The following COG6 variants were observed in gnomAD, a reference collection of about 807,000 sequenced individuals.
COG6 encodes the protein component of oligomeric golgi complex 6.
A neutral mutation model predicts 88.8 loss-of-function variants in COG6; 74 were observed. The observed-to-expected ratio is 0.83, with a 90% confidence interval of 0.69 to 1.01. The LOEUF (loss-of-function observed/expected upper bound fraction) is 1.01, where lower values mean the gene tolerates loss of function less well. Ranked by LOEUF, COG6 falls within the 50% of genes least tolerant of loss-of-function variation. The pLI is 0.00. For synonymous variants in COG6, 286 were observed against 278.7 expected (o/e 1.03, Z -0.26); for missense variants, 800 against 797.9 (o/e 1.00, Z -0.03).
At chr13:39,678,477 T>C (rs554340888) in intron 5 of COG6, among the ~76,000 whole-genome samples, 287 of 152,370 alleles carry the variant, frequency 1.9e-3, no homozygotes, top group Middle Eastern at 3.4e-3. Flanking sequence ...TTTTTTCATC[T>C]AATTAATTTT....
intron 18 of COG6, among the ~76,000 whole-genome samples, chr13:39,775,792 G>T (rs1407370212): frequency 6.7e-6 from 1 of 148,666 alleles, no homozygotes; most frequent in Non-Finnish European, 1.5e-5. Context: ...TTTTTGAGAC[G>T]GAGTTTTGCT....
chr13:39,788,275 T>C, intron 18 of COG6: 1 of 1,525,074 alleles, frequency 6.6e-7, no homozygotes, highest in Admixed American at 2.0e-5. Flanking sequence ...TGTGAGGTAT[T>C]CAAAGCAGGA....
Position 39,694,646 on chromosome 13 carries a change from C to T in COG6, c.1087C>T (p.Gln363Ter). ...CATATTTTAATAGGTTCGAATTGAG[C>T]AAGTAATAGTTGCTGAACCTGGGGC... is the stretch of plus-strand genomic sequence containing the variant. ...VCRPLKVRIE[Q>*]VIVAEPGAVL... The change falls in exon 12 of 19, where the codon CAA becomes TAA. Residue 363 changes from glutamine to a stop codon, truncating the protein, a stop_gained. Transcript: ENST00000455146. LOFTEE classifies it high-confidence loss of function. 3.1e-6 allele frequency: 5 copies of T among 1,590,884 alleles called. No homozygotes were observed. Among genetic ancestry groups the T allele is most frequent in the Non-Finnish European group, 4.3e-6 (5 of 1,160,974 alleles).
At chr13:39,714,302 G>C (rs1172885374) in intron 13 of COG6, among the ~76,000 whole-genome samples, 1 of 151,376 alleles carries the variant, frequency 6.6e-6, no homozygotes, top group Non-Finnish European at 1.5e-5. Flanking sequence ...AAACTAAAAT[G>C]CTTCTGTATA....
intron 18 of COG6, among the ~76,000 whole-genome samples, chr13:39,786,480 G>A (rs192253121): frequency 3.1e-4 from 47 of 152,294 alleles, no homozygotes; most frequent in African/African-American, 1.0e-3. Flanking sequence ...GAGATGCACA[G>A]TTGTTAGGAC....
chr13:39,720,119 A>C (rs1192960207), intron 15 of COG6, among the ~76,000 whole-genome samples: 1 of 152,044 alleles, frequency 6.6e-6, no homozygotes, highest in African/African-American at 2.4e-5. Flanking sequence ...TAGTAGATTG[A>C]AGCTTTCTGA....
At chr13:39,701,031 T>G (rs967741348) in intron 13 of COG6, among the ~76,000 whole-genome samples, 1 of 151,948 alleles carries the variant, frequency 6.6e-6, no homozygotes, top group Non-Finnish European at 1.5e-5. Context: ...AGTGATGTGT[T>G]TTATATATAT....
At chr13:39,699,360 C>A in intron 12 of COG6, 141 bp from the exon 13 acceptor site, 3 of 547,076 alleles carry the variant, frequency 5.5e-6, no homozygotes, top group South Asian at 5.1e-5. Flanking sequence ...AAATATGAAA[C>A]TAGAGTATTT....
chr13:39,682,661 T>C (rs1876385167), intron 8 of COG6, among the ~76,000 whole-genome samples: 2 of 152,062 alleles, frequency 1.3e-5, no homozygotes, highest in Non-Finnish European at 2.9e-5. Flanking sequence ...AAAGAATATT[T>C]AATATCAAGG....
chr13:39,752,152 A>G lies in COG6; in HGVS notation c.*1059A>G, dbSNP rs780327122. On this transcript the variant is annotated 3_prime_UTR_variant, in exon 19 of 19. Transcript: ENST00000455146. Reference sequence around the variant, plus strand: ...TGATTTGACATTCTTGTCAGCAAAAAAAAACTTAATTTCTAGTAAATCTAT... The same window carrying G: ...TGATTTGACATTCTTGTCAGCAAAAGAAAACTTAATTTCTAGTAAATCTAT... 25 of 1,212,034 alleles carry G rather than the reference A, an allele frequency of 2.1e-5. No individual in the cohort carries two copies. The South Asian group carries it at 3.5e-4, about 17-fold the overall frequency. The allele number at this position is 1,212,034 out of a possible 1,614,324, so 75.1% of individuals were successfully genotyped here. A position where few individuals can be genotyped will look rare whatever the true frequency, so the allele number is the denominator to read the frequency against.
At chr13:39,791,427 GTATTTTATT>G (rs1266856278) in exon 19 of COG6, 2 of 151,926 alleles carry the variant, frequency 1.3e-5, no homozygotes, top group Non-Finnish European at 2.9e-5. Context: ...ATGTCTATGG[GTATTTTATT>G]TAAGATTTTG....
At chr13:39,681,404 A>G (rs1050583467) in intron 7 of COG6, among the ~76,000 whole-genome samples, 1 of 152,064 alleles carries the variant, frequency 6.6e-6, no homozygotes, top group Admixed American at 6.5e-5. Context: ...TACTTCCTCA[A>G]AGGCATGGAC....
At chr13:39,709,225 G>A (rs550979965) in intron 13 of COG6, among the ~76,000 whole-genome samples, 294 of 152,242 alleles carry the variant, frequency 1.9e-3, no homozygotes, top group African/African-American at 6.7e-3. Flanking sequence ...CTGCCTAATT[G>A]CTAAGCCTGT....
intron 18 of COG6, among the ~76,000 whole-genome samples, chr13:39,779,939 C>T (rs748601537): frequency 6.6e-6 from 1 of 152,116 alleles, no homozygotes; most frequent in Non-Finnish European, 1.5e-5. Context: ...TATTAGGCAC[C>T]TACTCTAGGC....
At chr13:39,777,740 C>G (rs368577441) in intron 18 of COG6, among the ~76,000 whole-genome samples, 6 of 152,264 alleles carry the variant, frequency 3.9e-5, no homozygotes, top group East Asian at 1.9e-4. Context: ...AATTACTCAT[C>G]ATGTGCCTTC....
intron 8 of COG6, among the ~76,000 whole-genome samples, chr13:39,686,825 G>A (rs1002503845): frequency 1.3e-5 from 2 of 152,088 alleles, no homozygotes; most frequent in African/African-American, 2.4e-5. Flanking sequence ...AACCTCACGG[G>A]CTCAAGTGAT....
Position 39,659,354 on chromosome 13 carries a change from A to T in COG6, c.154-10A>T. ...GTTCCAGTAACTGTCTTCTGTTACC[A>T]ATTGTATAGGAGATGTTAGAAGCTC... On this transcript the variant is annotated splice_polypyrimidine_tract_variant and intron_variant, in intron 1 of 18. Coordinates refer to ENST00000455146, the MANE Select transcript of COG6 (RefSeq NM_020751.3). 6.2e-7 allele frequency: 1 copy of T among 1,612,958 alleles called. No homozygotes were observed. The highest frequency in any genetic ancestry group is 8.5e-7 in the Non-Finnish European group (1 of 1,179,232).
chr13:39,726,485 G>T (rs2138090694), intron 17 of COG6, among the ~76,000 whole-genome samples: 1 of 151,956 alleles, frequency 6.6e-6, no homozygotes, highest in South Asian at 2.1e-4. Flanking sequence ...AGTCCTGATG[G>T]TCCTCAAATA....
downstream of COG6, among the ~76,000 whole-genome samples, chr13:39,753,206 C>T (rs940421412): frequency 6.6e-6 from 1 of 152,106 alleles, no homozygotes; most frequent in Non-Finnish European, 1.5e-5. Context: ...ATGAAGTCCT[C>T]ATTAATGGAA....
Sources: allele counts gnomAD v4.1 joint callset (sites outside exome capture counted in the v4.1 genomes callset), GRCh38; gene constraint gnomAD v4.1.1; transcripts MANE v1.5; gene names NCBI Gene and HGNC (gene_info 2026-07-23, HGNC 2026-07-21).